The following MPPED1 variants were observed in gnomAD, a reference collection of about 807,000 sequenced individuals.
The protein encoded by MPPED1 is metallophosphoesterase domain-containing protein 1.
Under a neutral mutation model 36.2 loss-of-function variants are expected in MPPED1, and 16 were observed. That is an observed-to-expected ratio of 0.44 (90% CI 0.30 to 0.67). MPPED1 has a LOEUF of 0.67. Ranked by LOEUF, MPPED1 falls within the 30% of genes least tolerant of loss-of-function variation. The pLI is 0.10. For synonymous variants in MPPED1, 199 were observed against 191.3 expected (o/e 1.04, Z -0.33); for missense variants, 307 against 453.4 (o/e 0.68, Z 2.93).
chr22:43,494,924 G>A (rs888143835), intron 4 of MPPED1, among the ~76,000 whole-genome samples: 2 of 152,176 alleles, frequency 1.3e-5, no homozygotes, highest in African/African-American at 4.8e-5. Flanking sequence ...ATAGTGGAAG[G>A]AGCAAGGGAT....
At chr22:43,416,982 A>G in intron 1 of MPPED1, 1 of 985,412 alleles carries the variant, frequency 1.0e-6, no homozygotes, top group Non-Finnish European at 1.2e-6. Context: ...GGAATAAGTG[A>G]GCAGCTATTT....
intron 1 of MPPED1, chr22:43,418,327 A>G (rs1929147714): frequency 2.8e-6 from 1 of 354,372 alleles, no homozygotes; most frequent in Non-Finnish European, 5.6e-6. Context: ...CACACGGTGA[A>G]GCAAAATCTA....
At chr22:43,421,128 G>A (rs571673111) in intron 1 of MPPED1, among the ~76,000 whole-genome samples, 1 of 152,376 alleles carries the variant, frequency 6.6e-6, no homozygotes, top group South Asian at 2.1e-4. Context: ...CTCGCGTGCT[G>A]TGCTGTTTTG....
intron 3 of MPPED1, among the ~76,000 whole-genome samples, chr22:43,451,479 AC>A (rs1353318592): frequency 1.3e-5 from 2 of 152,122 alleles, no homozygotes; most frequent in African/African-American, 4.8e-5. Flanking sequence ...AGGATTTCAC[AC>A]CTTTCGGAGT....
intron 3 of MPPED1, among the ~76,000 whole-genome samples, chr22:43,463,200 CACTCTGT>C (rs1259065586): frequency 3.9e-5 from 6 of 152,038 alleles, no homozygotes; most frequent in Admixed American, 2.6e-4. Flanking sequence ...TTTTTCCAAG[CACTCTGT>C]TAATGGAAAA....
intron 3 of MPPED1, among the ~76,000 whole-genome samples, chr22:43,439,763 A>G (rs1930084122): frequency 6.6e-6 from 1 of 152,130 alleles, no homozygotes; most frequent in South Asian, 2.1e-4. Flanking sequence ...CCCACACAAA[A>G]CAGACTCCTC....
chr22:43,435,057 C>T lies in MPPED1; in HGVS notation c.248C>T (p.Ala83Val), dbSNP rs746976925. ...AGGGTGGACCCGGTGCCTCACGATGCCCCCAAACCTCCAGGCTACACCCGC... is the reference window on the plus strand; with the variant it reads ...AGGGTGGACCCGGTGCCTCACGATGTCCCCAAACCTCCAGGCTACACCCGC... The part of the protein sequence containing the change: ...VQMVDPVPHD[A>V]PKPPGYTRFV... The change falls in exon 3 of 7, where the codon GCC (alanine) becomes GTC (valine). Residue 83 changes from alanine to valine, a missense_variant. Physicochemically the swap from Ala to Val is moderately conservative, Grantham distance 64 (BLOSUM62 0). Coordinates refer to ENST00000443721, the MANE Select transcript of MPPED1 (RefSeq NM_001044370.2). The T allele has an allele frequency of 1.2e-6, 2 of 1,613,658 alleles. No individual in the cohort carries two copies. Among genetic ancestry groups the T allele is most frequent in the East Asian group, 2.2e-5 (1 of 44,878 alleles).
At chr22:43,447,260 T>C (rs79324227) in intron 3 of MPPED1, among the ~76,000 whole-genome samples, 3,448 of 152,300 alleles carry the variant, frequency 0.023, 136 homozygotes, top group African/African-American at 0.079. Flanking sequence ...AAGATTTTCT[T>C]ACTGACATGC....
intron 3 of MPPED1, among the ~76,000 whole-genome samples, chr22:43,456,096 A>G (rs1930743763): frequency 6.6e-6 from 1 of 152,172 alleles, no homozygotes; most frequent in Admixed American, 6.5e-5. Flanking sequence ...GAATAGAGAC[A>G]GTTTTATTTC....
intron 3 of MPPED1, among the ~76,000 whole-genome samples, chr22:43,460,270 C>A (rs915493544): frequency 6.8e-6 from 1 of 147,704 alleles, no homozygotes; most frequent in East Asian, 2.1e-4. Flanking sequence ...CAAACCCCCC[C>A]CCCCAAACCC....
chr22:43,492,403 A>T (rs532503006), intron 4 of MPPED1, among the ~76,000 whole-genome samples: 1 of 152,096 alleles, frequency 6.6e-6, no homozygotes, highest in East Asian at 1.9e-4. Context: ...GCCTGTGTGG[A>T]TGTGTCTGAG....
chr22:43,476,707 C>T (rs905480505), intron 4 of MPPED1, among the ~76,000 whole-genome samples: 3 of 152,126 alleles, frequency 2.0e-5, no homozygotes, highest in Non-Finnish European at 4.4e-5. Flanking sequence ...GCTGTCATCT[C>T]CCTGGACTTC....
chr22:43,487,276 A>T (rs1006464086), intron 4 of MPPED1, among the ~76,000 whole-genome samples: 3 of 152,128 alleles, frequency 2.0e-5, no homozygotes, highest in Non-Finnish European at 4.4e-5. Context: ...GTCGTGGATG[A>T]TGGGAGAGGC....
intron 3 of MPPED1, among the ~76,000 whole-genome samples, chr22:43,439,095 T>C (rs1459195008): frequency 1.3e-5 from 2 of 152,242 alleles, no homozygotes; most frequent in African/African-American, 4.8e-5. Flanking sequence ...AACGGGGCTC[T>C]GCGTGGTTAA....
chr22:43,456,342 G>A (rs1305213101), intron 3 of MPPED1, among the ~76,000 whole-genome samples: 1 of 152,130 alleles, frequency 6.6e-6, no homozygotes, highest in Non-Finnish European at 1.5e-5. Context: ...GCCTAGGCTG[G>A]ACTTGAGTGC....
intron 4 of MPPED1, 62 bp downstream of exon 4, chr22:43,475,023 G>C (rs369451099): frequency 1.1e-5 from 17 of 1,479,266 alleles, no homozygotes; most frequent in South Asian, 2.3e-5. Context: ...CTGAGCGCAG[G>C]GGGTGTAGGG....
intron 3 of MPPED1, among the ~76,000 whole-genome samples, chr22:43,464,662 C>T (rs1225291388): frequency 1.3e-5 from 2 of 152,176 alleles, no homozygotes; most frequent in Non-Finnish European, 2.9e-5. Flanking sequence ...GCTTCTCATA[C>T]AGGTTCTAAG....
intron 3 of MPPED1, among the ~76,000 whole-genome samples, chr22:43,450,347 G>A (rs558630875): frequency 2.0e-5 from 3 of 152,324 alleles, no homozygotes; most frequent in South Asian, 2.1e-4. Flanking sequence ...CTGTGCCTCA[G>A]TGTCTTCACC....
intron 3 of MPPED1, among the ~76,000 whole-genome samples, chr22:43,448,734 C>T (rs1441170927): frequency 6.6e-6 from 1 of 152,040 alleles, no homozygotes; most frequent in East Asian, 1.9e-4. Flanking sequence ...TCTTGAGTAG[C>T]TGGGATTACA....
Sources: allele counts gnomAD v4.1 joint callset (sites outside exome capture counted in the v4.1 genomes callset), GRCh38; gene constraint gnomAD v4.1.1; transcripts MANE v1.5; gene names NCBI Gene and HGNC (gene_info 2026-07-23, HGNC 2026-07-21).